The following EPHX2 variants were observed in gnomAD, a reference collection of about 807,000 sequenced individuals.
EPHX2 encodes bifunctional epoxide hydrolase 2.
A neutral mutation model predicts 78.7 loss-of-function variants in EPHX2; 74 were observed. The observed-to-expected ratio is 0.94, with a 90% confidence interval of 0.78 to 1.14. The LOEUF (loss-of-function observed/expected upper bound fraction) is 1.14, where lower values mean the gene tolerates loss of function less well. Among genes scored for constraint, EPHX2 ranks in the 50% most tolerant of loss-of-function variants. The pLI, the probability that EPHX2 is intolerant of heterozygous loss-of-function variation, is 0.00. For synonymous variants in EPHX2, 251 were observed against 255.2 expected, an observed-to-expected ratio of 0.98 and a Z score of 0.16; for missense variants, 715 against 702.5, an observed-to-expected ratio of 1.02 and a Z score of -0.20.
intron 9 of EPHX2, among the ~76,000 whole-genome samples, chr8:27,520,582 T>C (rs1814610213): frequency 6.6e-6 from 1 of 151,966 alleles, no homozygotes; most frequent in South Asian, 2.1e-4. Context: ...CTTGACCTCA[T>C]GTTCTGCCCG....
At chr8:27,502,682 C>A (rs1449146401) in intron 2 of EPHX2, among the ~76,000 whole-genome samples, 1 of 152,186 alleles carries the variant, frequency 6.6e-6, no homozygotes, top group Non-Finnish European at 1.5e-5. Flanking sequence ...AAAGCAAGTT[C>A]TTGGCTGTCT....
chr8:27,500,894 A>C, intron 1 of EPHX2, 32 bp from the exon 2 acceptor site: 1 of 1,591,098 alleles, frequency 6.3e-7, no homozygotes, highest in Non-Finnish European at 8.6e-7. Flanking sequence ...CAAAATCCAC[A>C]GAATGTTCCT....
At chr8:27,529,596 CAT>C (rs1814962853) in intron 12 of EPHX2, among the ~76,000 whole-genome samples, 1 of 152,050 alleles carries the variant, frequency 6.6e-6, no homozygotes, top group Non-Finnish European at 1.5e-5. Context: ...TGTCTGGAAA[CAT>C]ATAGCAAGCT....
intron 2 of EPHX2, among the ~76,000 whole-genome samples, chr8:27,501,373 TTCTTC>T (rs1160825490): frequency 1.5e-5 from 2 of 134,104 alleles, no homozygotes; most frequent in Admixed American, 1.5e-4. Context: ...CTTCTTCTTC[TTCTTC>T]TTCTTCTTCT....
chr8:27,523,906 C>T (rs1158279290), intron 11 of EPHX2, among the ~76,000 whole-genome samples: 2 of 151,098 alleles, frequency 1.3e-5, no homozygotes, highest in African/African-American at 4.9e-5. Flanking sequence ...CTGTGTTTGC[C>T]CCTCAAATTC....
chr8:27,501,384 CTTCTTCTTCTTTCTTCT>C (rs1813786915), intron 2 of EPHX2, among the ~76,000 whole-genome samples: 1 of 102,676 alleles, frequency 9.7e-6, no homozygotes, highest in Admixed American at 8.9e-5. Context: ...TCTTCTTCTT[CTTCTTCTTCTTTCTTCT>C]TTCTTCTTTC....
intron 16 of EPHX2, among the ~76,000 whole-genome samples, chr8:27,542,208 C>T (rs779273236): frequency 2.0e-5 from 3 of 152,114 alleles, no homozygotes; most frequent in African/African-American, 2.4e-5. Flanking sequence ...CCTGCCAGAC[C>T]CTGGGATACC....
At chr8:27,542,987 C>T (rs867298700) in intron 16 of EPHX2, among the ~76,000 whole-genome samples, 9 of 149,856 alleles carry the variant, frequency 6.0e-5, no homozygotes, top group African/African-American at 2.0e-4. Flanking sequence ...CCTCCCCCAC[C>T]TCCTCCCATC....
chr8:27,523,963 C>G (rs1814739445), intron 11 of EPHX2, among the ~76,000 whole-genome samples: 1 of 150,066 alleles, frequency 6.7e-6, no homozygotes, highest in South Asian at 2.1e-4. Context: ...GACAGAGTCT[C>G]ACTCCATTGT....
In EPHX2 at chr8:27,545,328, C is replaced by G. The variant is rs1028417628; in HGVS notation, c.*806C>G. The G allele has an allele frequency of 6.6e-6, 1 of 152,470 alleles. No individual in the cohort carries two copies. The highest frequency in any genetic ancestry group is 2.1e-4 in the South Asian group (1 of 4,824). 9.4% of individuals were successfully genotyped at this position (152,470 alleles called of 1,614,324 possible). A position where few individuals can be genotyped will look rare whatever the true frequency, so the allele number is the denominator to read the frequency against. ...CATCTTCCCCTCTGCCCCCTCCTCCCTATCTTCCCCTCTACCCTCTCCTGC... is the reference window on the plus strand; with the variant it reads ...CATCTTCCCCTCTGCCCCCTCCTCCGTATCTTCCCCTCTACCCTCTCCTGC... On this transcript the variant is annotated 3_prime_UTR_variant, in exon 19 of 19. Coordinates refer to ENST00000521400, the MANE Select transcript of EPHX2 (RefSeq NM_001979.6).
chr8:27,506,766 T>A (rs1374049206), intron 4 of EPHX2, 106 bp from the exon 5 acceptor site: 3 of 1,450,748 alleles, frequency 2.1e-6, no homozygotes, highest in South Asian at 1.3e-5. Flanking sequence ...TAGCAGTAGA[T>A]GGTTATAAAA....
intron 1 of EPHX2, among the ~76,000 whole-genome samples, chr8:27,496,622 G>A (rs970429989): frequency 6.6e-6 from 1 of 152,296 alleles, no homozygotes; most frequent in South Asian, 2.1e-4. Context: ...TGAACGTTCG[G>A]TTTTTGTACT....
At chr8:27,535,443 G>A (rs558386975) in intron 12 of EPHX2, among the ~76,000 whole-genome samples, 34 of 152,080 alleles carry the variant, frequency 2.2e-4, no homozygotes, top group Non-Finnish European at 4.1e-4. Context: ...CCAAAGCTCT[G>A]GGATTACAGC....
rs780226946 is a variant in EPHX2, at chr8:27,503,702, G to A, written c.285G>A (p.Ala95=). The A allele has an allele frequency of 9.9e-6, 16 of 1,613,746 alleles. No individual in the cohort carries two copies. Among genetic ancestry groups the A allele is most frequent in the Non-Finnish European group, 1.3e-5 (15 of 1,179,994 alleles). Residue 95 remains alanine (A), a synonymous_variant, in exon 3 of 19, where the codon GCG becomes GCA. Transcript: ENST00000521400. ...NFSIKEIFDK[A]ISARKINRPM... ...CCATAAAAGAAATCTTTGACAAGGCGATTTCAGCCAGAAAGATCAACCGCC... is the reference window on the plus strand; with the variant it reads ...CCATAAAAGAAATCTTTGACAAGGCAATTTCAGCCAGAAAGATCAACCGCC...
chr8:27,504,424 A>G (rs1813920224), intron 3 of EPHX2, among the ~76,000 whole-genome samples: 1 of 152,204 alleles, frequency 6.6e-6, no homozygotes, highest in Admixed American at 6.5e-5. Flanking sequence ...CCAGGGGATA[A>G]TCCTATTTCT....
intron 1 of EPHX2, among the ~76,000 whole-genome samples, chr8:27,499,450 G>A (rs1402998540): frequency 3.3e-5 from 5 of 152,182 alleles, no homozygotes; most frequent in African/African-American, 1.2e-4. Context: ...GTCCAGAGCT[G>A]ACCACTGTTA....
chr8:27,503,812 C>T lies in EPHX2; in HGVS notation c.346+49C>T, dbSNP rs17057269. 15,303 of 1,577,554 alleles carry T rather than the reference C, an allele frequency of 9.7e-3. 550 individuals are homozygous for T. The African/African-American group carries it at 0.11, about 11-fold the overall frequency. On this transcript the variant is annotated intron_variant, in intron 3 of 18. Transcript: ENST00000521400. ...CTCAGGCCGAACCACCCAGAACCCTCGGGAGCATTAGGTCAGAATCCATTG... is the reference window on the plus strand; with the variant it reads ...CTCAGGCCGAACCACCCAGAACCCTTGGGAGCATTAGGTCAGAATCCATTG...
Position 27,508,946 on chromosome 8 carries a change from C to CTTTTTTTTTTTT in EPHX2, c.660+1968_660+1979dup, listed in dbSNP as rs34748947. ...CTGGCCCCTGGCAACCCCCATCCTG[C>CTTTTTTTTTTTT]TTTTTTTTTTTTTTTTTTTTTTTTT... On this transcript the variant is annotated intron_variant, in intron 5 of 18. Transcript: ENST00000521400. 3.3e-4 allele frequency among the ~76,000 whole-genome samples: 21 copies of CTTTTTTTTTTTT among 64,390 alleles called. 2 individuals carry two copies. Among genetic ancestry groups the CTTTTTTTTTTTT allele is most frequent in the African/African-American group, 1.0e-3 (13 of 12,982 alleles). 42.2% of individuals were successfully genotyped at this position (64,390 alleles called of 152,430 possible). A position where few individuals can be genotyped will look rare whatever the true frequency, so the allele number is the denominator to read the frequency against.
chr8:27,539,296 C>A (rs915525412), intron 14 of EPHX2: 4 of 152,454 alleles, frequency 2.6e-5, no homozygotes, highest in Non-Finnish European at 5.9e-5. Flanking sequence ...ATAATGATGA[C>A]CACTGTCACT....
Sources: gnomAD v4.1 joint callset for allele counts (sites outside exome capture counted in the v4.1 genomes callset) on GRCh38, gnomAD v4.1.1 for gene constraint, MANE v1.5 for transcripts, NCBI Gene and HGNC (gene_info 2026-07-23, HGNC 2026-07-21) for gene names.